Variants in CELF2 observed in about 807,000 individuals in gnomAD.
CELF2 encodes the protein CUG triplet repeat RNA-binding protein 2.
CELF2 carries 8 observed loss-of-function variants against 62.6 expected under a neutral mutation model. That is an observed-to-expected ratio of 0.13 (90% CI 0.07 to 0.23). The LOEUF (loss-of-function observed/expected upper bound fraction) is 0.23, where lower values mean the gene tolerates loss of function less well. Ranked by LOEUF, CELF2 falls within the 10% of genes least tolerant of loss-of-function variation. The pLI is 1.00. For synonymous variants in CELF2, 258 were observed against 250.0 expected, an observed-to-expected ratio of 1.03 and a Z score of -0.30; for missense variants, 333 against 671.0, an observed-to-expected ratio of 0.50 and a Z score of 5.56.
At chr10:11,090,824 C>T (rs2048115583) in intron 1 of CELF2, among the ~76,000 whole-genome samples, 2 of 152,228 alleles carry the variant, frequency 1.3e-5, no homozygotes, top group South Asian at 4.1e-4. Flanking sequence ...ATACTGTCAT[C>T]AATGTTTAGG....
chr10:11,127,325 G>T (rs146832450), intron 1 of CELF2, among the ~76,000 whole-genome samples: 2 of 152,156 alleles, frequency 1.3e-5, no homozygotes, highest in African/African-American at 4.8e-5. Flanking sequence ...CCAAGTTTTT[G>T]CTATTGTGAA....
rs1054369336 is a variant in CELF2 at position 11,157,051 on chromosome 10, G to A, written c.75-8435G>A. Among the ~76,000 whole-genome samples the A allele has an allele frequency of 1.3e-5, 2 of 152,104 alleles. No individual in the cohort carries two copies. The highest frequency in any genetic ancestry group is 2.4e-5 in the African/African-American group (1 of 41,382). On this transcript the variant is annotated intron_variant, in intron 1 of 12. Coordinates refer to ENST00000633077, the MANE Select transcript of CELF2 (RefSeq NM_001326342.2). This position sits in a 1 kb window ranked among gnomAD's most constrained non-coding sequence, Gnocchi z 4.9. ...GACCTCTCCACAGGATTCCCACAGC[G>A]TGTGAGAATGAAGGGTGGAAATGGA...
At chr10:11,264,926 G>A (rs1322741903) in intron 5 of CELF2, among the ~76,000 whole-genome samples, 5 of 152,212 alleles carry the variant, frequency 3.3e-5, no homozygotes, top group Admixed American at 6.5e-5. Context: ...GCCAGGAGGC[G>A]AATGTGAGAT....
At chr10:11,144,684 G>C (rs1326342007) in intron 1 of CELF2, among the ~76,000 whole-genome samples, 1 of 151,700 alleles carries the variant, frequency 6.6e-6, no homozygotes. Context: ...ACTTGAGCCA[G>C]GAGTTCAAGA....
intron 1 of CELF2, among the ~76,000 whole-genome samples, chr10:11,144,057 T>G (rs2061805610): frequency 6.6e-6 from 1 of 152,168 alleles, no homozygotes; most frequent in Non-Finnish European, 1.5e-5. Context: ...CTTTTCATTT[T>G]TGGGTTCACT....
At chr10:10,643,924 C>G in the CELF2 span, among the ~76,000 whole-genome samples, 1 of 152,182 alleles carries the variant, frequency 6.6e-6, no homozygotes, top group Non-Finnish European at 1.5e-5. Flanking sequence ...TTAAATTAGT[C>G]AGTCAGAAAT....
At chr10:10,666,399 A>T in the CELF2 span, among the ~76,000 whole-genome samples, 3 of 152,314 alleles carry the variant, frequency 2.0e-5, no homozygotes, top group African/African-American at 7.2e-5. Context: ...CCTCCAACTT[A>T]TTAATGATCT....
At chr10:11,209,748 A>T (rs538367600) in intron 2 of CELF2, among the ~76,000 whole-genome samples, 37 of 151,316 alleles carry the variant, frequency 2.4e-4, no homozygotes, top group African/African-American at 8.3e-4. Context: ...TCGCTTGAGC[A>T]CAAAATGCCC....
In CELF2 at chr10:11,052,544, C is replaced by T. The variant is rs115833118; in HGVS notation, c.74+34381C>T. Among the ~76,000 whole-genome samples, 1,150 of 152,226 alleles carry T rather than the reference C, an allele frequency of 7.6e-3. 15 individuals are homozygous for T. Among genetic ancestry groups the T allele is most frequent in the African/African-American group, 0.027 (1,102 of 41,528 alleles). ...TTATCAGATGAACTTTTGTCCTGTT[C>T]AGAACCAAGCAGTTCCGTATTGAAA... On this transcript the variant is annotated intron_variant, in intron 1 of 12. Transcript: ENST00000633077.
intron 9 of CELF2, among the ~76,000 whole-genome samples, chr10:11,303,833 T>TG (rs2093980170): frequency 6.6e-6 from 1 of 152,214 alleles, no homozygotes; most frequent in Non-Finnish European, 1.5e-5. Flanking sequence ...GCCAGACCCC[T>TG]GGGTTTAAAT....
At chr10:11,017,869 T>C (rs1186672761), upstream of CELF2, 11 of 860,262 alleles carry the variant, frequency 1.3e-5, no homozygotes, top group African/African-American at 2.0e-4. This position sits in a 1 kb window ranked among gnomAD's most constrained non-coding sequence, Gnocchi z 5.5. Context: ...CCCCGCGAGC[T>C]CCGCCCCCGC....
rs191219657 is a variant in CELF2, at chr10:11,039,543, C to T, written c.74+21380C>T. Among the ~76,000 whole-genome samples, 826 of 152,282 alleles carry T rather than the reference C, an allele frequency of 5.4e-3. 4 individuals carry two copies. The highest frequency in any genetic ancestry group is 8.7e-3 in the Non-Finnish European group (590 of 68,024). The stretch of plus-strand genomic sequence containing the variant: ...ATTTACTTCACAAGACACTGCTTGT[C>T]CCATGTTTGCCCACGTACACATCTT... On this transcript the variant is annotated intron_variant, in intron 1 of 12. Transcript: ENST00000633077. This position sits in a 1 kb window ranked among gnomAD's most constrained non-coding sequence, Gnocchi z 4.1.
chr10:11,262,940 CTTTTTTTT>C (rs553831640), intron 5 of CELF2, among the ~76,000 whole-genome samples: 1,670 of 52,788 alleles, frequency 0.032, 66 homozygotes, highest in Middle Eastern at 0.18. Context: ...AGTGGCTTTA[CTTTTTTTT>C]TTTTTTTTTT....
chr10:10,764,965 G>C, the CELF2 span, among the ~76,000 whole-genome samples: 1 of 152,282 alleles, frequency 6.6e-6, no homozygotes, highest in South Asian at 2.1e-4. Flanking sequence ...TTTTATTAGG[G>C]AGCGCACTCC....
chr10:10,487,429 G>A, the CELF2 span, among the ~76,000 whole-genome samples: 1 of 152,170 alleles, frequency 6.6e-6, no homozygotes, highest in Non-Finnish European at 1.5e-5. Flanking sequence ...GATTGGACTG[G>A]TTCTAAAGCT....
intron 2 of CELF2, among the ~76,000 whole-genome samples, chr10:11,213,216 C>G (rs2062394444): frequency 6.6e-6 from 1 of 152,334 alleles, no homozygotes; most frequent in South Asian, 2.1e-4. Flanking sequence ...CACTGACCAT[C>G]AAAGAGCCAG....
At chr10:10,921,633 GA>G (rs2064925728) in intron 2 of CELF2, among the ~76,000 whole-genome samples, 1 of 152,166 alleles carries the variant, frequency 6.6e-6, no homozygotes, top group Non-Finnish European at 1.5e-5. Context: ...CATCAGGAGA[GA>G]GGGGAAGAGG....
chr10:10,484,797 C>T, the CELF2 span, among the ~76,000 whole-genome samples: 4,818 of 152,170 alleles, frequency 0.032, 96 homozygotes, highest in Non-Finnish European at 0.046. Flanking sequence ...TCAAATCACA[C>T]AATGACATTC....
At position 11,328,905 on chromosome 10, in the gene CELF2, C is replaced by G; in HGVS notation, c.1439-21C>G. 2.5e-6 allele frequency: 4 copies of G among 1,602,322 alleles called. No homozygotes were observed. Among genetic ancestry groups the G allele is most frequent in the Non-Finnish European group, 3.4e-6 (4 of 1,171,492 alleles). On this transcript the variant is annotated intron_variant, in intron 12 of 12. Coordinates refer to ENST00000633077, the MANE Select transcript of CELF2 (RefSeq NM_001326342.2). The surrounding 1 kb of genome is among the most constrained non-coding windows in gnomAD (Gnocchi z 6.4). ...GCTGGGCTTCCTCTCCAGGCTGACTCCCTCTCTCGGTATTTTCCAGGTTTT... is the reference window on the plus strand; with the variant it reads ...GCTGGGCTTCCTCTCCAGGCTGACTGCCTCTCTCGGTATTTTCCAGGTTTT...
Sources: gnomAD v4.1 joint callset for allele counts (sites outside exome capture counted in the v4.1 genomes callset) on GRCh38, gnomAD v4.1.1 for gene constraint, Gnocchi (gnomAD v3.1) non-coding constraint, MANE v1.5 for transcripts, NCBI Gene and HGNC (gene_info 2026-07-23, HGNC 2026-07-21) for gene names.